The following KHDRBS2 variants were observed in gnomAD, a reference collection of about 807,000 sequenced individuals.
KHDRBS2 encodes KH RNA binding domain containing, signal transduction associated 2, also known as KH domain-containing, RNA-binding, signal transduction-associated protein 2.
Under a neutral mutation model 44.3 loss-of-function variants are expected in KHDRBS2, and 26 were observed. The ratio of observed to expected loss-of-function variants is 0.59; its 90% CI spans 0.43 to 0.81. KHDRBS2 has a LOEUF of 0.81. Among genes scored for constraint, KHDRBS2 ranks in the 40% least tolerant of loss-of-function variants. The pLI, the probability that KHDRBS2 is intolerant of heterozygous loss-of-function variation, is 0.00. For synonymous variants in KHDRBS2, 194 were observed against 151.1 expected (o/e 1.28, Z -2.08); for missense variants, 476 against 433.1 (o/e 1.10, Z -0.88).
In KHDRBS2 at chr6:61,944,353, C is replaced by T. The variant is rs114158016; in HGVS notation, c.483+33713G>A. On this transcript the variant is annotated intron_variant, in intron 4 of 8. Transcript: ENST00000281156. ...AAGAATGAAATCATTTCATTTGTAG[C>T]AACATATATTGAACTGAAAGTTATT... Among the ~76,000 whole-genome samples the T allele has an allele frequency of 8.6e-3, 1,304 of 151,984 alleles. 9 individuals are homozygous for T. The highest frequency in any genetic ancestry group is 0.017 in the Middle Eastern group (5 of 294).
At chr6:61,953,761 C>T (rs564758134) in intron 4 of KHDRBS2, among the ~76,000 whole-genome samples, 1 of 152,224 alleles carries the variant, frequency 6.6e-6, no homozygotes, top group Admixed American at 6.5e-5. Flanking sequence ...AGTGCCACGA[C>T]CTCTCTGCCT....
At chr6:61,660,094 G>A in the KHDRBS2 span, among the ~76,000 whole-genome samples, 1 of 151,804 alleles carries the variant, frequency 6.6e-6, no homozygotes, top group Non-Finnish European at 1.5e-5. Flanking sequence ...AGAGTAAAAT[G>A]TAGTGCTAAT....
intron 2 of KHDRBS2, among the ~76,000 whole-genome samples, chr6:62,106,053 A>G (rs1170794158): frequency 2.0e-5 from 3 of 152,158 alleles, no homozygotes; most frequent in Admixed American, 6.5e-5. Context: ...GTCATTCAGG[A>G]GCAGGTTGTT....
intron 6 of KHDRBS2, among the ~76,000 whole-genome samples, chr6:61,883,976 C>T (rs1450045553): frequency 6.6e-6 from 1 of 152,020 alleles, no homozygotes; most frequent in African/African-American, 2.4e-5. Context: ...CACGTGGCTC[C>T]CCTCAAAATG....
intron 6 of KHDRBS2, among the ~76,000 whole-genome samples, chr6:61,892,515 C>T (rs1802053329): frequency 6.6e-6 from 1 of 152,176 alleles, no homozygotes; most frequent in African/African-American, 2.4e-5. Context: ...TACAAGGCTA[C>T]AGTAACCAAA....
chr6:62,268,710 A>C (rs1839603433), intron 1 of KHDRBS2, among the ~76,000 whole-genome samples: 2 of 151,934 alleles, frequency 1.3e-5, no homozygotes, highest in African/African-American at 2.4e-5. Flanking sequence ...ATTTTTTTTC[A>C]CACCAGAGCC....
intron 1 of KHDRBS2, among the ~76,000 whole-genome samples, chr6:62,253,176 CAGTG>C: frequency 6.6e-6 from 1 of 152,054 alleles, no homozygotes; most frequent in African/African-American, 2.4e-5. Flanking sequence ...TTTTTGAAGC[CAGTG>C]AGTATCTTTT....
At chr6:61,623,801 G>C in the KHDRBS2 span, among the ~76,000 whole-genome samples, 1 of 152,172 alleles carries the variant, frequency 6.6e-6, no homozygotes, top group African/African-American at 2.4e-5. Flanking sequence ...AGCCTGTCTA[G>C]CTTATGAATA....
At chr6:62,121,858 C>A (rs903745530) in intron 2 of KHDRBS2, among the ~76,000 whole-genome samples, 1 of 152,064 alleles carries the variant, frequency 6.6e-6, no homozygotes, top group East Asian at 1.9e-4. Flanking sequence ...AATTCAGGGG[C>A]CTTCTAGCTC....
intron 2 of KHDRBS2, among the ~76,000 whole-genome samples, chr6:62,173,564 A>G (rs1820499736): frequency 3.3e-5 from 5 of 151,720 alleles, no homozygotes; most frequent in South Asian, 2.1e-4. Flanking sequence ...AACTCAGTCT[A>G]TGAGTCCAGC....
intron 1 of KHDRBS2, among the ~76,000 whole-genome samples, chr6:62,279,052 C>A (rs959964455): frequency 2.0e-5 from 3 of 151,996 alleles, no homozygotes; most frequent in African/African-American, 7.2e-5. Context: ...TGAGATTGTG[C>A]CACTGCACTC....
intron 6 of KHDRBS2, among the ~76,000 whole-genome samples, chr6:61,781,349 C>G (rs893931668): frequency 6.6e-6 from 1 of 152,068 alleles, no homozygotes; most frequent in African/African-American, 2.4e-5. Flanking sequence ...ATGAAATTTC[C>G]TCTTAAAAAA....
At position 62,274,393 on chromosome 6, in the gene KHDRBS2, A is replaced by G. The variant is rs1194733807; in HGVS notation, c.91+11465T>C. On this transcript the variant is annotated intron_variant, in intron 1 of 8. Coordinates refer to ENST00000281156, the MANE Select transcript of KHDRBS2 (RefSeq NM_152688.4). ...TGCCCCTTTTTAATACCTTTCAATGACTTAGCATTGCTTGTAGCATAAAAT... is the reference window on the plus strand; with the variant it reads ...TGCCCCTTTTTAATACCTTTCAATGGCTTAGCATTGCTTGTAGCATAAAAT... Among the ~76,000 whole-genome samples the G allele has an allele frequency of 1.3e-4, 20 of 152,138 alleles. 1 individual carries two copies. Among genetic ancestry groups the G allele is most frequent in the Admixed American group, 1.3e-3 (20 of 15,270 alleles).
chr6:61,967,917 C>A (rs1355756776), intron 4 of KHDRBS2, among the ~76,000 whole-genome samples: 1 of 135,614 alleles, frequency 7.4e-6, no homozygotes, highest in South Asian at 2.4e-4. Flanking sequence ...TATATATACA[C>A]ATGCATACAC....
the KHDRBS2 span, among the ~76,000 whole-genome samples, chr6:61,590,125 ATT>A: frequency 1.3e-5 from 2 of 151,876 alleles, no homozygotes; most frequent in African/African-American, 4.8e-5. Context: ...GTTTTTGCCC[ATT>A]TTTTTTGCAT....
chr6:62,223,541 T>G (rs1025926450), intron 1 of KHDRBS2, among the ~76,000 whole-genome samples: 2 of 152,220 alleles, frequency 1.3e-5, no homozygotes, highest in Admixed American at 1.3e-4. Context: ...CTTGAATTTT[T>G]CCTCAGAAAA....
the KHDRBS2 span, among the ~76,000 whole-genome samples, chr6:61,661,737 G>T: frequency 1.3e-5 from 2 of 151,872 alleles, no homozygotes; most frequent in East Asian, 2.0e-4. Context: ...ACTGCTCAAT[G>T]AAATAAAAGA....
chr6:61,923,691 T>C (rs938803470), intron 4 of KHDRBS2, among the ~76,000 whole-genome samples: 5 of 152,062 alleles, frequency 3.3e-5, no homozygotes, highest in Admixed American at 6.6e-5. Flanking sequence ...TCAATAACAG[T>C]CATTATGAAA....
chr6:62,085,451 A>G (rs1388958684), intron 2 of KHDRBS2, among the ~76,000 whole-genome samples: 1 of 152,142 alleles, frequency 6.6e-6, no homozygotes, highest in Admixed American at 6.6e-5. Flanking sequence ...GATTAGTGTT[A>G]AAGAAGCAAA....
Sources: allele counts gnomAD v4.1 joint callset (sites outside exome capture counted in the v4.1 genomes callset), GRCh38; gene constraint gnomAD v4.1.1; transcripts MANE v1.5; gene names NCBI Gene and HGNC (gene_info 2026-07-23, HGNC 2026-07-21).